Variants in TPD52 observed in about 807,000 individuals in gnomAD.
The protein encoded by TPD52 is prostate and colon associated protein.
Under a neutral mutation model 31.3 loss-of-function variants are expected in TPD52, and 17 were observed. The ratio of observed to expected loss-of-function variants is 0.54; its 90% CI spans 0.37 to 0.82. TPD52 has a LOEUF of 0.82. Ranked by LOEUF, TPD52 falls within the 40% of genes least tolerant of loss-of-function variation. The pLI is 0.00. For synonymous variants in TPD52, 83 were observed against 89.6 expected (o/e 0.93, Z 0.42); for missense variants, 212 against 240.1 (o/e 0.88, Z 0.77).
At chr8:80,141,463 G>A (rs1809823914) in intron 1 of TPD52, among the ~76,000 whole-genome samples, 1 of 152,168 alleles carries the variant, frequency 6.6e-6, no homozygotes, top group African/African-American at 2.4e-5. Flanking sequence ...ACTGGCACCT[G>A]CTGTCAATGA....
chr8:80,168,215 A>G (rs1334025676), intron 1 of TPD52, among the ~76,000 whole-genome samples: 1 of 152,258 alleles, frequency 6.6e-6, no homozygotes, highest in Non-Finnish European at 1.5e-5. Context: ...ACAGAGCATT[A>G]GAATACTCGT....
At position 80,092,139 on chromosome 8, in the gene TPD52, G is replaced by A. The variant is rs538219157; in HGVS notation, c.20-27546C>T. On this transcript the variant is annotated intron_variant, in intron 1 of 7. Coordinates refer to ENST00000518937, the MANE Select transcript of TPD52 (RefSeq NM_001025253.3). ...AGGGGTTTGGGGCATCTATCACCTC[G>A]AGTATTCGTCATTTCTGTGTGTTGG... is the stretch of plus-strand genomic sequence containing the variant. Among the ~76,000 whole-genome samples the A allele has an allele frequency of 7.2e-5, 11 of 152,230 alleles. No individual in the cohort carries two copies. In the South Asian group the frequency reaches 1.7e-3, roughly 23 times the overall value.
At chr8:80,160,106 G>C (rs1811246276) in intron 1 of TPD52, among the ~76,000 whole-genome samples, 1 of 152,032 alleles carries the variant, frequency 6.6e-6, no homozygotes, top group Non-Finnish European at 1.5e-5. Context: ...TAGGAAGATT[G>C]CTTGAGCCCA....
At chr8:80,043,397 A>G (rs896219427) in intron 6 of TPD52, among the ~76,000 whole-genome samples, 2 of 152,180 alleles carry the variant, frequency 1.3e-5, no homozygotes, top group Non-Finnish European at 2.9e-5. Context: ...ACTGACCTTG[A>G]ATATCCTTCC....
intron 1 of TPD52, among the ~76,000 whole-genome samples, chr8:80,157,549 A>G: frequency 6.6e-6 from 1 of 152,200 alleles, no homozygotes; most frequent in Admixed American, 6.5e-5. Context: ...AATGAAAATC[A>G]TTTCTCAAAA....
intron 1 of TPD52, among the ~76,000 whole-genome samples, chr8:80,121,756 G>A (rs576122324): frequency 6.6e-6 from 1 of 152,234 alleles, no homozygotes; most frequent in East Asian, 1.9e-4. Context: ...ACCTGCATCG[G>A]ATGGTCCTCT....
At chr8:80,031,683 C>G (rs1426566858), downstream of TPD52, among the ~76,000 whole-genome samples, 1 of 152,044 alleles carries the variant, frequency 6.6e-6, no homozygotes. Context: ...TAGCAAGAAC[C>G]AGTCTCTACC....
rs184836519 is a variant in TPD52, at chr8:80,057,272, T to C, written c.136-3842A>G. ...CATAACAGTCCTAAAGTTCAGCCAC[T>C]GTGGAACACAATTTGGATACTTCTC... On this transcript the variant is annotated intron_variant, in intron 2 of 7. Transcript: ENST00000518937. Among the ~76,000 whole-genome samples the C allele has an allele frequency of 3.3e-4, 50 of 152,336 alleles. No individual in the cohort carries two copies. The East Asian group carries it at 8.7e-3, about 26-fold the overall frequency.
chr8:80,168,397 T>C (rs1268772749), intron 1 of TPD52, among the ~76,000 whole-genome samples: 1 of 152,200 alleles, frequency 6.6e-6, no homozygotes, highest in South Asian at 2.1e-4. Flanking sequence ...ATTTTACAAC[T>C]AGAGTTTCAT....
chr8:80,153,692 A>T (rs1810737439), intron 1 of TPD52, among the ~76,000 whole-genome samples: 1 of 152,186 alleles, frequency 6.6e-6, no homozygotes, highest in Non-Finnish European at 1.5e-5. Context: ...TATTATGGAG[A>T]GTCAGTAAAA....
At chr8:80,064,192 G>T (rs961362794) in intron 2 of TPD52, among the ~76,000 whole-genome samples, 4 of 152,110 alleles carry the variant, frequency 2.6e-5, no homozygotes, top group African/African-American at 9.7e-5. Flanking sequence ...AGATGTCAGT[G>T]AAGTCCCTTA....
At position 80,072,681 on chromosome 8, in the gene TPD52, ATATG is replaced by A. The variant is rs149242505; in HGVS notation, c.20-8092_20-8089del. 2.2e-4 allele frequency among the ~76,000 whole-genome samples: 13 copies of A among 59,880 alleles called. 4 individuals are homozygous for A. Among genetic ancestry groups the A allele is most frequent in the Admixed American group, 3.9e-4 (2 of 5,070 alleles). 39.3% of individuals were successfully genotyped at this position (59,880 alleles called of 152,430 possible). On this transcript the variant is annotated intron_variant, in intron 1 of 7. Coordinates refer to ENST00000518937, the MANE Select transcript of TPD52 (RefSeq NM_001025253.3). ...TGTGTGTATATACATGTACACATAG[ATATG>A]TGTGTATATACACACATATATACAT...
intron 1 of TPD52, among the ~76,000 whole-genome samples, chr8:80,082,867 G>A (rs1815434983): frequency 1.3e-5 from 2 of 152,326 alleles, no homozygotes; most frequent in Admixed American, 6.5e-5. Context: ...ATAAATGTGA[G>A]CATTTCAAAT....
At chr8:80,082,451 G>C (rs1047348) in intron 1 of TPD52, among the ~76,000 whole-genome samples, 1 of 152,148 alleles carries the variant, frequency 6.6e-6, no homozygotes, top group Non-Finnish European at 1.5e-5. Context: ...CCACCACCTA[G>C]AGCCAAAGGC....
At position 80,055,320 on chromosome 8, in the gene TPD52, G is replaced by C. The variant is rs554761490; in HGVS notation, c.136-1890C>G. Among the ~76,000 whole-genome samples the C allele has an allele frequency of 1.5e-3, 225 of 152,284 alleles. 1 individual carries two copies. The highest frequency in any genetic ancestry group is 2.1e-3 in the Non-Finnish European group (142 of 68,018). The stretch of plus-strand genomic sequence containing the variant: ...ACCTAGCCCAGCACATCATGGCTGC[G>C]ATTCCTTAATTCAATATATACATGT... On this transcript the variant is annotated intron_variant, in intron 2 of 7. Transcript: ENST00000518937.
intron 2 of TPD52, among the ~76,000 whole-genome samples, chr8:80,057,013 A>T (rs1410778917): frequency 6.6e-6 from 1 of 152,088 alleles, no homozygotes; most frequent in Non-Finnish European, 1.5e-5. Context: ...ACTAAAACAC[A>T]AAAATTAGCC....
chr8:80,041,814 G>A (rs1810410129), intron 7 of TPD52, among the ~76,000 whole-genome samples: 2 of 152,162 alleles, frequency 1.3e-5, no homozygotes, highest in African/African-American at 2.4e-5. Flanking sequence ...TACAGGCCAG[G>A]CATGGTGGCT....
At chr8:80,081,637 T>C (rs1306008600) in intron 1 of TPD52, among the ~76,000 whole-genome samples, 1 of 151,724 alleles carries the variant, frequency 6.6e-6, no homozygotes, top group Non-Finnish European at 1.5e-5. Flanking sequence ...ACCTAATATA[T>C]TTTAAGCATT....
At position 80,072,317 on chromosome 8, in the gene TPD52, A is replaced by ATATGTGTGTGTG. The variant is rs1554582865; in HGVS notation, c.20-7725_20-7724insCACACACACATA. On this transcript the variant is annotated intron_variant, in intron 1 of 7. Coordinates refer to ENST00000518937, the MANE Select transcript of TPD52 (RefSeq NM_001025253.3). ...GAGAGACTCCATCTAAAAAACATAT[A>ATATGTGTGTGTG]TGTGTGTGTGTGTGTGTGTGTGTGT... 4.6e-4 allele frequency among the ~76,000 whole-genome samples: 56 copies of ATATGTGTGTGTG among 121,320 alleles called. 1 individual carries two copies. The highest frequency in any genetic ancestry group is 1.1e-3 in the African/African-American group (31 of 27,414). The allele number at this position is 121,320 out of a possible 152,430, so 79.6% of individuals were successfully genotyped here. A position where few individuals can be genotyped will look rare whatever the true frequency, so the allele number is the denominator to read the frequency against.
Sources: gnomAD v4.1 joint callset for allele counts (sites outside exome capture counted in the v4.1 genomes callset) on GRCh38, gnomAD v4.1.1 for gene constraint, MANE v1.5 for transcripts, NCBI Gene and HGNC (gene_info 2026-07-23, HGNC 2026-07-21) for gene names.